TNPO3: variants seen among roughly 807,000 people sequenced by gnomAD.
TNPO3 encodes transportin 3.
Under a neutral mutation model 122.8 loss-of-function variants are expected in TNPO3, and 65 were observed. The ratio of observed to expected loss-of-function variants is 0.53; its 90% CI spans 0.43 to 0.65. TNPO3 has a LOEUF of 0.65. Ranked by LOEUF, TNPO3 falls within the 30% of genes least tolerant of loss-of-function variation. TNPO3 has a pLI of 0.00. For synonymous variants in TNPO3, 372 were observed against 411.2 expected, an observed-to-expected ratio of 0.90 and a Z score of 1.15; for missense variants, 850 against 1,136.7, an observed-to-expected ratio of 0.75 and a Z score of 3.63.
In TNPO3 at chr7:128,990,301, G is replaced by C; in HGVS notation, c.1359-201C>G. The C allele has an allele frequency of 9.0e-6, 6 of 667,686 alleles. No homozygotes were observed. The Admixed American group carries it at 1.2e-4, about 13-fold the overall frequency. The allele number at this position is 667,686 out of a possible 1,614,324, so 41.4% of individuals were successfully genotyped here. On this transcript the variant is annotated intron_variant, in intron 10 of 22. Transcript: ENST00000265388. ...GATAGAAATGAAAGATATTGTTTCA[G>C]GAAAAGCATACTGCTCCTTAATCTT...
At chr7:128,998,954 A>G (rs1249606534) in intron 7 of TNPO3, among the ~76,000 whole-genome samples, 1 of 151,988 alleles carries the variant, frequency 6.6e-6, no homozygotes, top group African/African-American at 2.4e-5. Context: ...CCTGGGTTCA[A>G]GTGATTCTCC....
intron 1 of TNPO3, among the ~76,000 whole-genome samples, chr7:129,037,601 A>G (rs963435188): frequency 1.3e-5 from 2 of 152,130 alleles, no homozygotes; most frequent in Non-Finnish European, 2.9e-5. Context: ...AGGGCAGAAG[A>G]CCACCTCCTT....
intron 1 of TNPO3, among the ~76,000 whole-genome samples, chr7:129,026,004 T>C (rs1255340847): frequency 6.6e-6 from 1 of 151,618 alleles, no homozygotes; most frequent in Non-Finnish European, 1.5e-5. Flanking sequence ...TGTGTGCCTG[T>C]AGTCCCAGCT....
rs145325448 is a variant in TNPO3 at position 128,955,917 on chromosome 7, T to A, written c.*32-532A>T. On this transcript the variant is annotated intron_variant, in intron 22 of 22. Transcript: ENST00000265388. ...CTCCACGAATAACTGTCAGGCAAAT[T>A]GTTAAACATTGTTGAACCTCAATTT... is the stretch of plus-strand genomic sequence containing the variant. 1.2e-3 allele frequency among the ~76,000 whole-genome samples: 182 copies of A among 152,356 alleles called. 2 individuals are homozygous for A. Among genetic ancestry groups the A allele is most frequent in the Admixed American group, 0.011 (176 of 15,306 alleles).
chr7:128,957,997 C>T (rs917269201), intron 21 of TNPO3, among the ~76,000 whole-genome samples: 4 of 152,162 alleles, frequency 2.6e-5, no homozygotes, highest in African/African-American at 4.8e-5. Flanking sequence ...AAAAGCCCCC[C>T]GACCTCCCTT....
intron 8 of TNPO3, among the ~76,000 whole-genome samples, chr7:128,994,848 G>C (rs910312673): frequency 6.6e-6 from 1 of 152,006 alleles, no homozygotes; most frequent in Non-Finnish European, 1.5e-5. Context: ...TGTAGAGTTA[G>C]GGTTTTGCCA....
At position 129,014,984 on chromosome 7, in the gene TNPO3, G is replaced by C. The variant is rs191003701; in HGVS notation, c.547C>G (p.Leu183Val). The C allele has an allele frequency of 6.3e-7, 1 of 1,588,666 alleles. No individual in the cohort carries two copies. Among genetic ancestry groups the C allele is most frequent in the Non-Finnish European group, 8.5e-7 (1 of 1,174,474 alleles). ...LAFYSSTVVSLLMTCVEKAGT... is the reference protein window; with the variant it reads ...LAFYSSTVVSVLMTCVEKAGT... ...AGTATTTCAAACTTACTCACCAATAGAGATACTACTGTACTAGAGTAGAAG... is the reference window on the plus strand; with the variant it reads ...AGTATTTCAAACTTACTCACCAATACAGATACTACTGTACTAGAGTAGAAG... Residue 183 changes from leucine (L) to valine (V), a missense_variant, in exon 4 of 23, where the codon CTA becomes GTA. Physicochemically the swap from Leu to Val is conservative, Grantham distance 32. Coordinates refer to ENST00000265388, the MANE Select transcript of TNPO3 (RefSeq NM_012470.4).
At chr7:128,984,443 T>C (rs1799943204) in intron 12 of TNPO3, among the ~76,000 whole-genome samples, 184 bp from the exon 13 acceptor site, 1 of 152,372 alleles carries the variant, frequency 6.6e-6, no homozygotes, top group African/African-American at 2.4e-5. Flanking sequence ...TTATTCTTTA[T>C]TGGGCTCAGA....
At chr7:129,003,064 A>AAAAAAAAAAAAAAG (rs1554439863) in intron 5 of TNPO3, among the ~76,000 whole-genome samples, 1 of 130,410 alleles carries the variant, frequency 7.7e-6, no homozygotes, top group African/African-American at 2.8e-5. Context: ...AAAAAAAAAA[A>AAAAAAAAAAAAAAG]TACAAAAAAT....
chr7:128,970,864 GTGGTGA>G (rs536182832), intron 19 of TNPO3: 42 of 152,306 alleles, frequency 2.8e-4, no homozygotes, highest in African/African-American at 9.9e-4. Flanking sequence ...CAGCATCAAT[GTGGTGA>G]CCTCCCAGGA....
intron 1 of TNPO3, chr7:129,030,249 T>C (rs1805772087): frequency 4.5e-6 from 1 of 223,152 alleles, no homozygotes; most frequent in Admixed American, 5.1e-5. Flanking sequence ...TTGATCAGAT[T>C]GTTGAGCACT....
intron 1 of TNPO3, among the ~76,000 whole-genome samples, chr7:129,033,146 C>T (rs1197970845): frequency 6.6e-6 from 1 of 152,126 alleles, no homozygotes; most frequent in South Asian, 2.1e-4. Context: ...CCTTATATCA[C>T]ATATGAAAGT....
chr7:128,975,799 A>G lies in TNPO3; in HGVS notation c.2178+20T>C. 6.6e-7 allele frequency: 1 copy of G among 1,518,522 alleles called. No homozygotes were observed. The highest frequency in any genetic ancestry group is 9.1e-7 in the Non-Finnish European group (1 of 1,093,282). 94.1% of individuals were successfully genotyped at this position (1,518,522 alleles called of 1,614,324 possible). ...GACCCTCTAGGCCTGATGCGTCTACACTCCTCATGGAAAAGATACCTGGAG... is the reference window on the plus strand; with the variant it reads ...GACCCTCTAGGCCTGATGCGTCTACGCTCCTCATGGAAAAGATACCTGGAG... On this transcript the variant is annotated intron_variant, in intron 17 of 22. Coordinates refer to ENST00000265388, the MANE Select transcript of TNPO3 (RefSeq NM_012470.4).
intron 21 of TNPO3, among the ~76,000 whole-genome samples, chr7:128,965,910 T>C (rs1797885042): frequency 6.6e-6 from 1 of 152,172 alleles, no homozygotes; most frequent in Admixed American, 6.5e-5. Context: ...CGAAGTTAAT[T>C]GCCAGGAGAT....
intron 4 of TNPO3, among the ~76,000 whole-genome samples, chr7:129,010,860 T>C (rs1318824963): frequency 2.6e-5 from 4 of 152,190 alleles, no homozygotes; most frequent in African/African-American, 9.6e-5. Context: ...AATCTCATCA[T>C]TAAGGGAGGC....
intron 1 of TNPO3, among the ~76,000 whole-genome samples, chr7:129,031,782 A>G (rs139355497): frequency 0.012 from 1,788 of 152,352 alleles, 24 homozygotes; most frequent in Non-Finnish European, 0.017. Flanking sequence ...ATAGTAATGC[A>G]AAAACCCTCG....
chr7:129,053,514 A>T (rs1056344720), intron 1 of TNPO3, among the ~76,000 whole-genome samples: 2 of 149,788 alleles, frequency 1.3e-5, no homozygotes, highest in South Asian at 4.2e-4. Context: ...AAAAAAAAAA[A>T]GGCAAAGTTG....
chr7:129,056,066 C>A, upstream of TNPO3: 2 of 1,168,378 alleles, frequency 1.7e-6, no homozygotes, highest in Non-Finnish European at 2.5e-6. Context: ...GGAAGATGAA[C>A]GGGCGGAAGA....
intron 1 of TNPO3, among the ~76,000 whole-genome samples, chr7:129,046,958 A>AGGGTGG (rs1808131683): frequency 6.6e-6 from 1 of 152,250 alleles, no homozygotes; most frequent in Admixed American, 6.5e-5. Flanking sequence ...TATTATTACA[A>AGGGTGG]GGTGAGATGT....
Sources: allele counts gnomAD v4.1 joint callset (sites outside exome capture counted in the v4.1 genomes callset), GRCh38; gene constraint gnomAD v4.1.1; transcripts MANE v1.5; gene names NCBI Gene and HGNC (gene_info 2026-07-23, HGNC 2026-07-21).